The following LACTBL1 variants were observed in gnomAD, a reference collection of about 807,000 sequenced individuals.
LACTBL1 encodes the protein lactamase beta like 1, also known as beta-lactamase-like protein 1.
Under a neutral mutation model 39.6 loss-of-function variants are expected in LACTBL1, and 29 were observed. That is an observed-to-expected ratio of 0.73 (90% CI 0.55 to 1.00). The LOEUF is 1.00. Among genes scored for constraint, LACTBL1 ranks in the 50% least tolerant of loss-of-function variants. The pLI is 0.00. For missense variants in LACTBL1, 711 were observed against 748.5 expected (o/e 0.95, Z 0.59); for synonymous variants, 361 against 360.7 (o/e 1.00, Z -0.01).
chr1:22,960,117 G>A lies in LACTBL1; in HGVS notation c.160-18C>T. On this transcript the variant is annotated intron_variant, in intron 2 of 5. Transcript: ENST00000426928. ...TGGTCCACCTTGAGGGAAAAGAACG[G>A]GTGCAGTGACAGGCCCCCCTGCCCT... The A allele has an allele frequency of 6.5e-7, 1 of 1,550,202 alleles. No homozygotes were observed.
At chr1:22,968,887 G>A (rs1034953459), upstream of LACTBL1, among the ~76,000 whole-genome samples, 2 of 152,144 alleles carry the variant, frequency 1.3e-5, no homozygotes, top group African/African-American at 2.4e-5. Context: ...GGTATTTGGG[G>A]ATTGTTTTGA....
At chr1:22,965,377 G>T (rs930456742), upstream of LACTBL1, 8 of 1,265,792 alleles carry the variant, frequency 6.3e-6, no homozygotes, top group Non-Finnish European at 6.0e-6. Flanking sequence ...CAGATGGCCG[G>T]GAGGAGCCAC....
upstream of LACTBL1, among the ~76,000 whole-genome samples, chr1:22,968,655 G>T (rs1570504433): frequency 6.6e-6 from 1 of 152,258 alleles, no homozygotes; most frequent in South Asian, 2.1e-4. Flanking sequence ...ACAGAATAGT[G>T]TAGTGGTGAA....
At chr1:22,959,992 C>A (rs1488614199) in exon 3 of LACTBL1, 1 of 1,551,166 alleles carries the variant, frequency 6.4e-7, no homozygotes, top group South Asian at 1.2e-5. Flanking sequence ...CTGAGCCATT[C>A]TTCTTCCCAA....
chr1:22,958,841 C>A (rs1250136139), exon 4 of LACTBL1: 1 of 1,550,648 alleles, frequency 6.4e-7, no homozygotes, highest in Non-Finnish European at 8.7e-7. Flanking sequence ...TCCAGAGGGT[C>A]ATCTAGGGAG....
At chr1:22,967,987 C>T (rs1006182173), upstream of LACTBL1, among the ~76,000 whole-genome samples, 5 of 152,166 alleles carry the variant, frequency 3.3e-5, no homozygotes, top group East Asian at 1.9e-4. Flanking sequence ...TCAGTCCCTT[C>T]CTGCTCTCCC....
At chr1:22,971,351 A>C in the LACTBL1 span, among the ~76,000 whole-genome samples, 1 of 152,092 alleles carries the variant, frequency 6.6e-6, no homozygotes, top group Admixed American at 6.6e-5. Context: ...GTCAGTATTT[A>C]ATCTCTAAGC....
At chr1:22,970,614 G>T in the LACTBL1 span, among the ~76,000 whole-genome samples, 1 of 151,940 alleles carries the variant, frequency 6.6e-6, no homozygotes, top group African/African-American at 2.4e-5. Flanking sequence ...TCAAGACCAG[G>T]CTGGGCAACA....
At chr1:22,972,220 T>C in the LACTBL1 span, 1 of 775,768 alleles carries the variant, frequency 1.3e-6, no homozygotes. Context: ...TTTAGCCCAA[T>C]ATTTGAAGCC....
intron 2 of LACTBL1, among the ~76,000 whole-genome samples, chr1:22,960,313 G>A (rs1640806851): frequency 6.6e-6 from 1 of 152,160 alleles, no homozygotes; most frequent in Non-Finnish European, 1.5e-5. Context: ...AAAGGAGAGG[G>A]GGTTAAAACG....
At chr1:22,963,185 A>G (rs997014482) in exon 2 of LACTBL1, 8 of 1,335,898 alleles carry the variant, frequency 6.0e-6, no homozygotes, top group African/African-American at 4.6e-5. Context: ...ACATCCTCAC[A>G]GGGGCAGAGG....
At chr1:22,970,901 A>T in the LACTBL1 span, among the ~76,000 whole-genome samples, 4 of 152,100 alleles carry the variant, frequency 2.6e-5, no homozygotes, top group Non-Finnish European at 5.9e-5. Context: ...GCAATTAAAG[A>T]TCCCAAAAGC....
At chr1:22,953,841 C>CCCGCTG (rs1640734695) in exon 6 of LACTBL1, 2 of 1,548,078 alleles carry the variant, frequency 1.3e-6, no homozygotes, top group Admixed American at 3.9e-5. Flanking sequence ...GCGCCGGCCG[C>CCCGCTG]CCGCTGCCGT....
intron 5 of LACTBL1, among the ~76,000 whole-genome samples, chr1:22,955,078 T>C (rs1348539191): frequency 2.0e-5 from 3 of 152,192 alleles, no homozygotes; most frequent in African/African-American, 7.2e-5. Context: ...GCAAAGTAGG[T>C]GCTCAATAAA....
chr1:22,959,601 A>G (rs1054366102), intron 3 of LACTBL1, among the ~76,000 whole-genome samples: 3 of 152,212 alleles, frequency 2.0e-5, no homozygotes, highest in African/African-American at 7.2e-5. Context: ...ACCTGGGGCA[A>G]GGACCTAGGA....
intron 4 of LACTBL1, among the ~76,000 whole-genome samples, chr1:22,957,739 C>T (rs970535100): frequency 9.8e-5 from 14 of 143,362 alleles, no homozygotes; most frequent in African/African-American, 3.6e-4. Flanking sequence ...CAACCTCCGC[C>T]TTCCAGGTTC....
intron 4 of LACTBL1, among the ~76,000 whole-genome samples, chr1:22,955,740 G>C (rs1020323557): frequency 5.9e-5 from 9 of 152,118 alleles, no homozygotes; most frequent in Non-Finnish European, 1.0e-4. Flanking sequence ...CATACTAACT[G>C]CTCAAAAAAT....
chr1:22,953,403 G>A, exon 6 of LACTBL1: 1 of 1,228,054 alleles, frequency 8.1e-7, no homozygotes, highest in Non-Finnish European at 1.0e-6. Context: ...CGGCGAAGGG[G>A]TGCGCGGTGG....
In LACTBL1 at chr1:22,953,639, A is replaced by G. The variant is rs539539979; in HGVS notation, c.1045T>C (p.Trp349Arg). The G allele has an allele frequency of 7.1e-6, 9 of 1,270,470 alleles. No individual in the cohort carries two copies. In the South Asian group the frequency reaches 1.5e-4, roughly 22 times the overall value. The allele number at this position is 1,270,470 out of a possible 1,614,324, so 78.7% of individuals were successfully genotyped here. Residue 349 changes from tryptophan to arginine, a missense_variant, in exon 6 of 6, where the codon TGG (tryptophan) becomes CGG (arginine). By Grantham distance (101) the Trp-to-Arg change is moderately radical. Transcript: ENST00000426928. ...TAGCCCCGCTGCGCGTGGAACTCCCACGGCGTGCCCGTCTCGTTGGCGAAG... is the reference window on the plus strand; with the variant it reads ...TAGCCCCGCTGCGCGTGGAACTCCCGCGGCGTGCCCGTCTCGTTGGCGAAG...
Sources: gnomAD v4.1 joint callset for allele counts (sites outside exome capture counted in the v4.1 genomes callset) on GRCh38, gnomAD v4.1.1 for gene constraint, MANE v1.5 for transcripts, NCBI Gene and HGNC (gene_info 2026-07-23, HGNC 2026-07-21) for gene names.